STEEP1: variants seen among roughly 807,000 people sequenced by gnomAD.
STEEP1 encodes STING ER exit protein.
STEEP1 carries 3 observed loss-of-function variants against 19.2 expected under a neutral mutation model. That is an observed-to-expected ratio of 0.16 (90% CI 0.07 to 0.40). STEEP1 has a LOEUF of 0.40. Ranked by LOEUF, STEEP1 falls within the 10% of genes least tolerant of loss-of-function variation. The pLI is 0.99. For missense variants in STEEP1, 54 were observed against 177.1 expected, an observed-to-expected ratio of 0.30 and a Z score of 3.94; for synonymous variants, 46 against 63.7, an observed-to-expected ratio of 0.72 and a Z score of 1.32.
chrX:119,548,757 GCA>G (rs1491574707), intron 2 of STEEP1, among the ~76,000 whole-genome samples: 1 of 111,036 alleles, frequency 9.0e-6, no homozygotes, highest in Non-Finnish European at 1.9e-5. Context: ...AGAGATATGT[GCA>G]CTCTCATGCT....
At chrX:119,540,771 C>T (rs962280244) in intron 6 of STEEP1, among the ~76,000 whole-genome samples, 12 of 112,393 alleles carry the variant, frequency 1.1e-4, no homozygotes, top group Non-Finnish European at 1.9e-4. Flanking sequence ...CCTGGCCTGG[C>T]GTGGTGGCTC....
At chrX:119,541,222 C>T in intron 6 of STEEP1, 106 bp downstream of exon 6, 1 of 542,807 alleles carries the variant, frequency 1.8e-6, no homozygotes, top group Non-Finnish European at 3.2e-6. Flanking sequence ...TACTCTAAAA[C>T]CTCCCAACAG....
chrX:119,560,113 G>A (rs1260193553), intron 2 of STEEP1, among the ~76,000 whole-genome samples, 155 bp downstream of exon 2: 1 of 111,060 alleles, frequency 9.0e-6, no homozygotes, highest in Admixed American at 9.6e-5. Context: ...GCACAATAAA[G>A]ATATTACTAC....
At chrX:119,549,881 T>C (rs905479411) in intron 2 of STEEP1, among the ~76,000 whole-genome samples, 5 of 111,914 alleles carry the variant, frequency 4.5e-5, no homozygotes, top group Admixed American at 9.6e-5. Flanking sequence ...ATTCAAATCA[T>C]AGCACCACAT....
At chrX:119,544,968 A>G (rs1317765852) in intron 3 of STEEP1, among the ~76,000 whole-genome samples, 1 of 110,328 alleles carries the variant, frequency 9.1e-6, no homozygotes, top group Non-Finnish European at 1.9e-5. Context: ...TTTTCTGGCC[A>G]GCTGGTCAAA....
At chrX:119,542,030 TCA>T (rs1447587924) in intron 5 of STEEP1, among the ~76,000 whole-genome samples, 1 of 107,150 alleles carries the variant, frequency 9.3e-6, no homozygotes, top group Admixed American at 1.0e-4. Context: ...AGGAACTGGC[TCA>T]CTGTCAGAGT....
chrX:119,552,222 G>T (rs1353483638), intron 2 of STEEP1, among the ~76,000 whole-genome samples: 1 of 110,873 alleles, frequency 9.0e-6, no homozygotes. Context: ...CTTTTTTGTA[G>T]AGACAGGGTT....
At chrX:119,559,892 T>C (rs765145738) in intron 2 of STEEP1, among the ~76,000 whole-genome samples, 1 of 57,076 alleles carries the variant, frequency 1.8e-5, no homozygotes, top group African/African-American at 4.8e-5. Context: ...CTACTAAAAA[T>C]ACAAAAATTA....
chrX:119,545,382 T>C (rs913825706), intron 3 of STEEP1, 81 bp downstream of exon 3: 2 of 632,667 alleles, frequency 3.2e-6, no homozygotes, highest in African/African-American at 2.2e-5. Flanking sequence ...TAATGGAGAG[T>C]TGTATCCAAA....
intron 1 of STEEP1, among the ~76,000 whole-genome samples, chrX:119,560,597 C>A (rs1414158707): frequency 8.9e-6 from 1 of 112,222 alleles, no homozygotes; most frequent in Non-Finnish European, 1.9e-5. Context: ...TCTCTTACTA[C>A]CCTGGTGATC....
In STEEP1 at chrX:119,539,623, C is replaced by T; in HGVS notation, c.*104G>A. On this transcript the variant is annotated 3_prime_UTR_variant, in exon 7 of 7. Transcript: ENST00000644802. ...GAATCAATGGGAAACAACGTAAAGC[C>T]TTCTGCTAGGGCATAAATAGGAATC... 1.7e-6 allele frequency: 1 copy of T among 589,709 alleles called. No homozygotes were observed. The highest frequency in any genetic ancestry group is 2.8e-6 in the Non-Finnish European group (1 of 360,524). The allele number at this position is 589,709 out of a possible 1,213,427, so 48.6% of individuals were successfully genotyped here.
At chrX:119,555,396 A>C (rs1237782251) in intron 2 of STEEP1, among the ~76,000 whole-genome samples, 1 of 111,016 alleles carries the variant, frequency 9.0e-6, no homozygotes, top group Non-Finnish European at 1.9e-5. Context: ...ATGGGGAGGA[A>C]GGAGGAGTCC....
chrX:119,542,191 C>T (rs1246733919), intron 5 of STEEP1, among the ~76,000 whole-genome samples: 4 of 108,025 alleles, frequency 3.7e-5, no homozygotes, highest in Non-Finnish European at 7.7e-5. Context: ...CTCAGCCTCC[C>T]GAGTAGCTGG....
intron 5 of STEEP1, 42 bp downstream of exon 5, chrX:119,542,463 T>C: frequency 9.8e-7 from 1 of 1,021,639 alleles, no homozygotes; most frequent in African/African-American, 1.8e-5. Context: ...CCTCGTACCC[T>C]TCTCCCCAAA....
intron 5 of STEEP1, among the ~76,000 whole-genome samples, chrX:119,542,055 C>CTTTTTTTTTTTTTTTTTTTTTTTTT (rs201339708): frequency 2.4e-5 from 2 of 82,924 alleles, no homozygotes; most frequent in Non-Finnish European, 4.6e-5. Flanking sequence ...CTTTTCTTTT[C>CTTTTTTTTTTTTTTTTTTTTTTTTT]TTTTTTTTTT....
At chrX:119,548,854 C>T (rs1429463528) in intron 2 of STEEP1, among the ~76,000 whole-genome samples, 3 of 111,874 alleles carry the variant, frequency 2.7e-5, no homozygotes, top group African/African-American at 9.7e-5. Context: ...AAAGGTGGCA[C>T]GCACGCACAC....
Position 119,538,838 on chromosome X carries a change from A to C in STEEP1, c.*889T>G, listed in dbSNP as rs1287722409. 1 of 111,540 alleles carries C rather than the reference A, an allele frequency of 9.0e-6. No homozygotes were observed. The highest frequency in any genetic ancestry group is 1.9e-5 in the Non-Finnish European group (1 of 53,194). The allele number at this position is 111,540 out of a possible 1,213,427, so 9.2% of individuals were successfully genotyped here. ...TCTTTGAGTATAAAGTCGATACGGG[A>C]TGGCTCGCCTACAGCTTCAGTGTTT... On this transcript the variant is annotated 3_prime_UTR_variant, in exon 7 of 7. Coordinates refer to ENST00000644802, the MANE Select transcript of STEEP1 (RefSeq NM_022101.4).
intron 1 of STEEP1, among the ~76,000 whole-genome samples, chrX:119,560,812 GA>G (rs1163662071): frequency 2.7e-5 from 3 of 111,301 alleles, no homozygotes; most frequent in African/African-American, 6.5e-5. Context: ...GAAGCACTGG[GA>G]AAAGTGGGTA....
At chrX:119,555,730 G>C (rs1264532320) in intron 2 of STEEP1, among the ~76,000 whole-genome samples, 1 of 110,772 alleles carries the variant, frequency 9.0e-6, no homozygotes, top group African/African-American at 3.3e-5. Flanking sequence ...GGCTGAACAG[G>C]AGGCAGCAGC....
Sources: gnomAD v4.1 joint callset for allele counts (sites outside exome capture counted in the v4.1 genomes callset) on GRCh38, gnomAD v4.1.1 for gene constraint, MANE v1.5 for transcripts, NCBI Gene and HGNC (gene_info 2026-07-23, HGNC 2026-07-21) for gene names.